Variants in GPR39 observed in about 807,000 individuals in gnomAD.
The protein encoded by GPR39 is G protein-coupled receptor 39, also known as zinc sensing receptor.
Under a neutral mutation model 18.4 loss-of-function variants are expected in GPR39, and 23 were observed. That is an observed-to-expected ratio of 1.25 (90% CI 0.90 to 1.77). The LOEUF is 1.77. Among genes scored for constraint, GPR39 ranks in the 40% most tolerant of loss-of-function variants. The pLI is 0.00. For synonymous variants in GPR39, 280 were observed against 257.9 expected, an observed-to-expected ratio of 1.09 and a Z score of -0.82; for missense variants, 647 against 602.4, an observed-to-expected ratio of 1.07 and a Z score of -0.78.
Position 132,520,159 on chromosome 2 carries a change from C to T in GPR39, c.856+102261C>T, listed in dbSNP as rs547277264. ...CTTTCCTCCCCTCTTTTGGCTTCTT[C>T]CCCACCAAATTTTAATTTACTTTCT... On this transcript the variant is annotated intron_variant, in intron 1 of 1. Coordinates refer to ENST00000329321, the MANE Select transcript of GPR39 (RefSeq NM_001508.3). 5.9e-5 allele frequency among the ~76,000 whole-genome samples: 9 copies of T among 152,220 alleles called. 1 individual carries two copies. The South Asian group carries it at 1.9e-3, about 32-fold the overall frequency.
At chr2:132,616,805 CTCAAAAAACTGT>C (rs1681342925) in intron 1 of GPR39, among the ~76,000 whole-genome samples, 1 of 152,110 alleles carries the variant, frequency 6.6e-6, no homozygotes, top group African/African-American at 2.4e-5. Flanking sequence ...TTCTGTTTTG[CTCAAAAAACTGT>C]TTTGAAAGAA....
At chr2:132,622,528 C>A (rs999871613) in intron 1 of GPR39, among the ~76,000 whole-genome samples, 2 of 152,144 alleles carry the variant, frequency 1.3e-5, no homozygotes, top group African/African-American at 4.8e-5. Context: ...TACAGTTTGG[C>A]TTTATATATT....
At chr2:132,591,149 G>GCAGCTGAGGCAGCTA (rs1234963402) in intron 1 of GPR39, among the ~76,000 whole-genome samples, 1 of 150,464 alleles carries the variant, frequency 6.6e-6, no homozygotes, top group Non-Finnish European at 1.5e-5. Context: ...TACTCGGGAG[G>GCAGCTGAGGCAGCTA]CTGAGGCAGG....
At chr2:132,554,925 G>T (rs1024568949) in intron 1 of GPR39, among the ~76,000 whole-genome samples, 1 of 151,206 alleles carries the variant, frequency 6.6e-6, no homozygotes, top group Non-Finnish European at 1.5e-5. Context: ...CCCACACATG[G>T]CTGCCACATT....
rs376875182 is a variant in GPR39 at position 132,521,927 on chromosome 2, C to T, written c.856+104029C>T. On this transcript the variant is annotated intron_variant, in intron 1 of 1. Transcript: ENST00000329321. ...CCCCAACCCCTCCAATAATTGTGAA[C>T]ATTAAAGAGCTGCTTAAATTGTTCA... Among the ~76,000 whole-genome samples, 29 of 152,280 alleles carry T rather than the reference C, an allele frequency of 1.9e-4. No individual in the cohort carries two copies. The East Asian group carries it at 5.0e-3, about 26-fold the overall frequency.
At chr2:132,604,346 G>GC (rs1681097900) in intron 1 of GPR39, 1 of 152,184 alleles carries the variant, frequency 6.6e-6, no homozygotes, top group South Asian at 2.1e-4. Context: ...TCTGAGAACT[G>GC]CCTATCAGAA....
At chr2:132,618,847 C>T (rs747006438) in intron 1 of GPR39, among the ~76,000 whole-genome samples, 22 of 152,270 alleles carry the variant, frequency 1.4e-4, no homozygotes, top group Admixed American at 5.9e-4. Flanking sequence ...GAACTGAGGG[C>T]GTTTAGAAGA....
chr2:132,530,334 T>G (rs1413649728), intron 1 of GPR39, among the ~76,000 whole-genome samples: 1 of 152,142 alleles, frequency 6.6e-6, no homozygotes, highest in Non-Finnish European at 1.5e-5. Context: ...GAACAAAGCC[T>G]CCAAGAAATA....
chr2:132,551,977 A>C (rs564881120), intron 1 of GPR39, among the ~76,000 whole-genome samples: 1 of 152,316 alleles, frequency 6.6e-6, no homozygotes, highest in East Asian at 1.9e-4. Flanking sequence ...AGGGTCCTCC[A>C]GAGAAATAGC....
intron 1 of GPR39, among the ~76,000 whole-genome samples, chr2:132,603,158 G>A (rs1681075906): frequency 1.3e-5 from 2 of 152,078 alleles, no homozygotes; most frequent in African/African-American, 2.4e-5. Context: ...AAGATGAATG[G>A]ATAAGGAAAA....
intron 1 of GPR39, among the ~76,000 whole-genome samples, chr2:132,573,178 C>A (rs1680472326): frequency 6.6e-6 from 1 of 152,148 alleles, no homozygotes; most frequent in Non-Finnish European, 1.5e-5. Context: ...CCAGATGTTT[C>A]CACAAGTTTC....
chr2:132,615,359 A>AC (rs1014582723), intron 1 of GPR39, among the ~76,000 whole-genome samples: 2 of 151,940 alleles, frequency 1.3e-5, no homozygotes, highest in Admixed American at 1.3e-4. Flanking sequence ...CTGGAGGCCC[A>AC]CCCCCGCTTT....
intron 1 of GPR39, among the ~76,000 whole-genome samples, chr2:132,572,441 A>G (rs1271077679): frequency 1.3e-5 from 2 of 151,870 alleles, no homozygotes; most frequent in African/African-American, 2.4e-5. Flanking sequence ...CCCAGTCCCA[A>G]CTATCCAGTT....
chr2:132,550,083 G>A (rs1050707026), intron 1 of GPR39, among the ~76,000 whole-genome samples: 8 of 152,158 alleles, frequency 5.3e-5, no homozygotes, highest in Non-Finnish European at 1.0e-4. Context: ...TCACCAGATA[G>A]CACAAAACAA....
chr2:132,575,066 A>C (rs1180269353), intron 1 of GPR39, among the ~76,000 whole-genome samples: 1 of 152,118 alleles, frequency 6.6e-6, no homozygotes, highest in Non-Finnish European at 1.5e-5. Flanking sequence ...TTTTATACAA[A>C]TATAATATTT....
At chr2:132,455,225 C>G (rs572000653) in intron 1 of GPR39, among the ~76,000 whole-genome samples, 6 of 152,148 alleles carry the variant, frequency 3.9e-5, no homozygotes, top group Admixed American at 3.3e-4. Context: ...TGTATGTGTC[C>G]AGGAATTTAT....
At chr2:132,493,051 C>CA (rs1681532296) in intron 1 of GPR39, among the ~76,000 whole-genome samples, 1 of 121,422 alleles carries the variant, frequency 8.2e-6, no homozygotes, top group Non-Finnish European at 1.7e-5. Flanking sequence ...ACCATATATA[C>CA]CATATATACA....
At chr2:132,556,954 T>C (rs965739406) in intron 1 of GPR39, among the ~76,000 whole-genome samples, 1 of 152,190 alleles carries the variant, frequency 6.6e-6, no homozygotes, top group Non-Finnish European at 1.5e-5. Flanking sequence ...CCTGTAGAAA[T>C]TGGGTAGAAC....
At chr2:132,589,189 T>C (rs140084929) in intron 1 of GPR39, among the ~76,000 whole-genome samples, 135 of 151,630 alleles carry the variant, frequency 8.9e-4, no homozygotes, top group Non-Finnish European at 1.5e-3. Flanking sequence ...AACAAAAGCT[T>C]GGAGGCAGCC....
Sources: allele counts gnomAD v4.1 joint callset (sites outside exome capture counted in the v4.1 genomes callset), GRCh38; gene constraint gnomAD v4.1.1; transcripts MANE v1.5; gene names NCBI Gene and HGNC (gene_info 2026-07-23, HGNC 2026-07-21).